Variants in SPG11 observed in about 807,000 individuals in gnomAD.
SPG11 encodes the protein SPG11 vesicle trafficking associated, spatacsin.
Under a neutral mutation model 274.0 loss-of-function variants are expected in SPG11, and 222 were observed. That is an observed-to-expected ratio of 0.81 (90% CI 0.73 to 0.91). The LOEUF is 0.91. SPG11 is among the 40% of genes least tolerant of loss of function. The probability of loss-of-function intolerance (pLI) is 0.00; values close to 1 mark genes in which losing one functional copy is unlikely to be tolerated. For synonymous variants in SPG11, 1,144 were observed against 1,039.7 expected (o/e 1.10, Z -1.93); for missense variants, 3,114 against 2,872.7 (o/e 1.08, Z -1.92).
intron 2 of SPG11, among the ~76,000 whole-genome samples, chr15:44,659,583 A>G (rs1008713152): frequency 4.6e-5 from 7 of 152,330 alleles, no homozygotes; most frequent in Admixed American, 1.3e-4. Context: ...ATGGGACCCC[A>G]TAAGAAGACT....
intron 19 of SPG11, among the ~76,000 whole-genome samples, chr15:44,607,516 A>T (rs1429347560): frequency 1.3e-5 from 2 of 152,112 alleles, no homozygotes; most frequent in East Asian, 3.9e-4. Context: ...TGACCCGCCC[A>T]CCTTGGCCTC....
intron 23 of SPG11, 108 bp from the exon 24 acceptor site, chr15:44,597,051 A>G: frequency 1.9e-6 from 2 of 1,025,818 alleles, no homozygotes; most frequent in Non-Finnish European, 2.9e-6. Context: ...AAATTAAAGC[A>G]CAGTGTATTC....
chr15:44,653,523 A>T (rs2084847073), intron 4 of SPG11, among the ~76,000 whole-genome samples: 1 of 152,188 alleles, frequency 6.6e-6, no homozygotes, highest in South Asian at 2.1e-4. Context: ...CATCACTCTT[A>T]GCTACTCTAT....
intron 19 of SPG11, among the ~76,000 whole-genome samples, chr15:44,607,572 T>C (rs2083354108): frequency 6.6e-6 from 1 of 152,142 alleles, no homozygotes; most frequent in South Asian, 2.1e-4. Context: ...CCCGGCTCCT[T>C]TATAGAATTA....
chr15:44,623,304 G>C (rs547903618), intron 11 of SPG11, among the ~76,000 whole-genome samples: 14 of 152,182 alleles, frequency 9.2e-5, no homozygotes, highest in Admixed American at 4.6e-4. Context: ...TAAGCATTTT[G>C]TCAGAGCAAA....
intron 33 of SPG11, among the ~76,000 whole-genome samples, chr15:44,571,350 T>TTAAG (rs2082419104): frequency 1.3e-5 from 2 of 152,132 alleles, no homozygotes; most frequent in Non-Finnish European, 2.9e-5. Context: ...TTACTGTGTA[T>TTAAG]TAAGACCCTA....
In SPG11 at chr15:44,602,201, CCTTT is replaced by C. The variant is rs529614216; in HGVS notation, c.3521-1573_3521-1570del. Among the ~76,000 whole-genome samples the C allele has an allele frequency of 6.3e-3, 965 of 152,134 alleles. 10 individuals are homozygous for C. Among genetic ancestry groups the C allele is most frequent in the African/African-American group, 0.021 (885 of 41,498 alleles). On this transcript the variant is annotated intron_variant, in intron 20 of 39. Transcript: ENST00000261866. Reference sequence around the variant, plus strand: ...CACTTCTTTCTTTCTGATTTGGATGCCTTTCTTTTTTTTTGCTTAAATGCTCTGG... The same window carrying C: ...CACTTCTTTCTTTCTGATTTGGATGCCTTTTTTTTTGCTTAAATGCTCTGG...
chr15:44,566,371 A>C, intron 36 of SPG11, 66 bp from the exon 37 acceptor site: 2 of 1,475,806 alleles, frequency 1.4e-6, no homozygotes, highest in South Asian at 1.2e-5. Context: ...CATCCCACTC[A>C]TTGTGATCGT....
intron 7 of SPG11, among the ~76,000 whole-genome samples, chr15:44,641,922 G>GAAAAAA (rs71111874): frequency 1.1e-4 from 6 of 55,892 alleles, no homozygotes; most frequent in African/African-American, 2.4e-4. Flanking sequence ...CTGCTTAACA[G>GAAAAAA]AAAAAAAAAA....
intron 12 of SPG11, 49 bp from the exon 13 acceptor site, chr15:44,622,396 T>C: frequency 6.9e-7 from 1 of 1,452,116 alleles, no homozygotes; most frequent in Non-Finnish European, 9.4e-7. Flanking sequence ...AATCAAGCAC[T>C]TTTGCAAAAA....
At chr15:44,647,689 T>C (rs535488019) in intron 7 of SPG11, among the ~76,000 whole-genome samples, 11 of 152,372 alleles carry the variant, frequency 7.2e-5, no homozygotes, top group Admixed American at 1.3e-4. Context: ...TAATTCAATT[T>C]ACATGAAATG....
At chr15:44,623,233 G>A (rs1314411351) in intron 11 of SPG11, among the ~76,000 whole-genome samples, 1 of 152,106 alleles carries the variant, frequency 6.6e-6, no homozygotes, top group Non-Finnish European at 1.5e-5. Context: ...ACAGGCATGA[G>A]CCACCCTGCC....
intron 18 of SPG11, among the ~76,000 whole-genome samples, chr15:44,609,887 C>A (rs2141002740): frequency 6.7e-6 from 1 of 149,922 alleles, no homozygotes; most frequent in Non-Finnish European, 1.5e-5. Context: ...CGCCACCATG[C>A]CCAGCTAATT....
chr15:44,657,567 G>A (rs902501360), intron 3 of SPG11, among the ~76,000 whole-genome samples: 2 of 152,102 alleles, frequency 1.3e-5, no homozygotes, highest in African/African-American at 4.8e-5. Context: ...CAACAGCACT[G>A]GCCAAGAGAT....
intron 1 of SPG11, among the ~76,000 whole-genome samples, chr15:44,661,921 A>G (rs1020698466): frequency 6.6e-6 from 1 of 152,222 alleles, no homozygotes; most frequent in African/African-American, 2.4e-5. Context: ...ATTCAATTCA[A>G]CTAAAAAAGT....
chr15:44,624,163 T>C (rs1179280847), intron 11 of SPG11, among the ~76,000 whole-genome samples: 1 of 151,016 alleles, frequency 6.6e-6, no homozygotes, highest in Admixed American at 6.6e-5. Context: ...GTGGTGTATA[T>C]ATACAAAGGA....
intron 2 of SPG11, 90 bp from the exon 3 acceptor site, chr15:44,659,393 A>C: frequency 8.3e-7 from 1 of 1,206,766 alleles, no homozygotes; most frequent in Non-Finnish European, 1.2e-6. Context: ...CAAAAAAGTA[A>C]AACAAAAAAG....
intron 28 of SPG11, among the ~76,000 whole-genome samples, chr15:44,586,590 G>C (rs2082769960): frequency 6.6e-6 from 1 of 152,102 alleles, no homozygotes; most frequent in Non-Finnish European, 1.5e-5. Flanking sequence ...GTTGAAGTGA[G>C]CCGAGATGGT....
chr15:44,638,891 G>A (rs1452941542), intron 7 of SPG11, among the ~76,000 whole-genome samples: 2 of 151,894 alleles, frequency 1.3e-5, no homozygotes, highest in African/African-American at 4.8e-5. Flanking sequence ...AGCTACTAAG[G>A]AGGCTGAGGC....
Sources: gnomAD v4.1 joint callset for allele counts (sites outside exome capture counted in the v4.1 genomes callset) on GRCh38, gnomAD v4.1.1 for gene constraint, MANE v1.5 for transcripts, NCBI Gene and HGNC (gene_info 2026-07-23, HGNC 2026-07-21) for gene names.